CDH9: variants seen among roughly 807,000 people sequenced by gnomAD.
The protein encoded by CDH9 is cadherin 9, also known as cadherin-9.
Under a neutral mutation model 70.9 loss-of-function variants are expected in CDH9, and 28 were observed. The observed-to-expected ratio is 0.40, with a 90% CI of 0.29 to 0.54. The LOEUF is 0.54. Among genes scored for constraint, CDH9 ranks in the 20% least tolerant of loss-of-function variants. The probability of loss-of-function intolerance (pLI) is 0.59; values close to 1 mark genes in which losing one functional copy is unlikely to be tolerated. For synonymous variants in CDH9, 409 were observed against 343.1 expected, an observed-to-expected ratio of 1.19 and a Z score of -2.12; for missense variants, 874 against 984.4, an observed-to-expected ratio of 0.89 and a Z score of 1.50.
chr5:27,023,873 G>A (rs190851828), intron 1 of CDH9, among the ~76,000 whole-genome samples: 2 of 151,850 alleles, frequency 1.3e-5, no homozygotes, highest in East Asian at 2.0e-4. Context: ...CCAACATGGT[G>A]AAACCCCATC....
chr5:26,955,600 CTCTCTGTG>C (rs1259116686), intron 2 of CDH9, among the ~76,000 whole-genome samples: 1 of 148,752 alleles, frequency 6.7e-6, no homozygotes, highest in African/African-American at 2.6e-5. Context: ...CTCTCTCTCT[CTCTCTGTG>C]TGTGTTTCTC....
chr5:27,006,778 A>G (rs1242424625), intron 1 of CDH9, among the ~76,000 whole-genome samples: 1 of 152,144 alleles, frequency 6.6e-6, no homozygotes, highest in African/African-American at 2.4e-5. Context: ...ATAAAGTATC[A>G]TATCATGAAG....
chr5:26,966,804 T>G (rs751884462), intron 2 of CDH9, among the ~76,000 whole-genome samples: 5 of 152,358 alleles, frequency 3.3e-5, no homozygotes, highest in Middle Eastern at 3.4e-3. Context: ...TAGGAATTAC[T>G]AGTTCTTTTT....
intron 3 of CDH9, among the ~76,000 whole-genome samples, chr5:26,909,059 C>G (rs1741000394): frequency 6.6e-6 from 1 of 152,184 alleles, no homozygotes; most frequent in Admixed American, 6.5e-5. Flanking sequence ...TCTCGGCTCA[C>G]TACAACCTCC....
At chr5:26,920,050 A>C (rs1741217161) in intron 2 of CDH9, among the ~76,000 whole-genome samples, 1 of 152,094 alleles carries the variant, frequency 6.6e-6, no homozygotes, top group African/African-American at 2.4e-5. Context: ...GCTTGGCCAC[A>C]GTGGGGTAGA....
chr5:26,930,750 T>C (rs939153270), intron 2 of CDH9, among the ~76,000 whole-genome samples: 3 of 152,262 alleles, frequency 2.0e-5, no homozygotes, highest in African/African-American at 7.2e-5. Flanking sequence ...TATTTTAAAT[T>C]TTCTAACTTC....
chr5:26,974,711 A>G (rs1027073806), intron 2 of CDH9, among the ~76,000 whole-genome samples: 1 of 152,212 alleles, frequency 6.6e-6, no homozygotes, highest in African/African-American at 2.4e-5. Context: ...TACAAAATGT[A>G]TCTACTTAAG....
intron 7 of CDH9, among the ~76,000 whole-genome samples, chr5:26,894,610 T>C (rs1188953020): frequency 1.3e-5 from 2 of 152,130 alleles, no homozygotes; most frequent in Admixed American, 6.6e-5. Context: ...AATTTTCTTT[T>C]ATTTAGCAGC....
intron 3 of CDH9, among the ~76,000 whole-genome samples, chr5:26,913,470 C>A (rs1315136590): frequency 1.3e-5 from 2 of 152,014 alleles, no homozygotes. Flanking sequence ...GCAGCCAGAG[C>A]CATACATCTG....
chr5:27,008,070 T>TA (rs1742897909), intron 1 of CDH9, among the ~76,000 whole-genome samples: 1 of 152,176 alleles, frequency 6.6e-6, no homozygotes, highest in East Asian at 1.9e-4. Flanking sequence ...AATGAGGAGA[T>TA]ACGGATTAAT....
At chr5:26,930,297 T>C (rs919066613) in intron 2 of CDH9, among the ~76,000 whole-genome samples, 4 of 152,096 alleles carry the variant, frequency 2.6e-5, no homozygotes, top group South Asian at 2.1e-4. Flanking sequence ...ATATAATTGA[T>C]AGCCAATAAA....
At chr5:26,966,827 C>T (rs1579482795) in intron 2 of CDH9, among the ~76,000 whole-genome samples, 2 of 152,296 alleles carry the variant, frequency 1.3e-5, no homozygotes, top group East Asian at 1.9e-4. Flanking sequence ...GCTCCCCAAA[C>T]ATAAATCCTC....
At chr5:26,959,016 A>G (rs1316436766) in intron 2 of CDH9, among the ~76,000 whole-genome samples, 2 of 152,176 alleles carry the variant, frequency 1.3e-5, no homozygotes, top group African/African-American at 4.8e-5. Flanking sequence ...ATTGGACTTC[A>G]TAAAAACAAA....
chr5:27,027,873 T>G (rs1310991055), intron 1 of CDH9, among the ~76,000 whole-genome samples: 2 of 152,072 alleles, frequency 1.3e-5, no homozygotes, highest in Non-Finnish European at 2.9e-5. Context: ...TTGTTGATCA[T>G]ACACGTTTCA....
At chr5:26,989,932 T>C (rs183418095) in intron 1 of CDH9, among the ~76,000 whole-genome samples, 8 of 152,300 alleles carry the variant, frequency 5.3e-5, no homozygotes, top group Admixed American at 2.0e-4. Context: ...GTAATAGTCG[T>C]GTACATTGCA....
chr5:27,004,269 AG>A (rs1163934032), intron 1 of CDH9, among the ~76,000 whole-genome samples: 1 of 152,066 alleles, frequency 6.6e-6, no homozygotes, highest in African/African-American at 2.4e-5. Flanking sequence ...GGGTGGAGAA[AG>A]GATGTTTAGG....
intron 1 of CDH9, among the ~76,000 whole-genome samples, chr5:26,991,058 A>C (rs1233922791): frequency 6.6e-6 from 1 of 152,170 alleles, no homozygotes; most frequent in African/African-American, 2.4e-5. Flanking sequence ...TTTTAACATT[A>C]TATGTTTAGA....
At chr5:27,033,876 TA>T (rs1743349326) in intron 1 of CDH9, among the ~76,000 whole-genome samples, 1 of 151,588 alleles carries the variant, frequency 6.6e-6, no homozygotes, top group South Asian at 2.1e-4. Flanking sequence ...ATATTTTATA[TA>T]ATGTCTTTTG....
intron 1 of CDH9, among the ~76,000 whole-genome samples, chr5:27,034,990 C>A: frequency 6.6e-6 from 1 of 151,330 alleles, no homozygotes. Context: ...TTATAACAAT[C>A]CAGAATTCAT....
Sources: allele counts gnomAD v4.1 joint callset (sites outside exome capture counted in the v4.1 genomes callset), GRCh38; gene constraint gnomAD v4.1.1; transcripts MANE v1.5; gene names NCBI Gene and HGNC (gene_info 2026-07-23, HGNC 2026-07-21).